The following DHX57 variants were observed in gnomAD, a reference collection of about 807,000 sequenced individuals.
The protein encoded by DHX57 is putative ATP-dependent RNA helicase DHX57.
Under a neutral mutation model 156.2 loss-of-function variants are expected in DHX57, and 105 were observed. The ratio of observed to expected loss-of-function variants is 0.67; its 90% CI spans 0.57 to 0.79. DHX57 has a LOEUF of 0.79. Ranked by LOEUF, DHX57 falls within the 30% of genes least tolerant of loss-of-function variation. The pLI is 0.00. For missense variants in DHX57, 1,847 were observed against 1,661.9 expected, an observed-to-expected ratio of 1.11 and a Z score of -1.94; for synonymous variants, 704 against 595.6, an observed-to-expected ratio of 1.18 and a Z score of -2.65.
In DHX57 at chr2:38,806,634, T is replaced by G. The variant is rs1669952675; in HGVS notation, c.3741A>C (p.Pro1247=). The G allele has an allele frequency of 6.2e-7, 1 of 1,614,198 alleles. No individual in the cohort carries two copies. The highest frequency in any genetic ancestry group is 8.5e-7 in the Non-Finnish European group (1 of 1,180,030). The change falls in exon 22 of 24, where the codon CCA becomes CCC. Residue 1247 remains proline (P), a synonymous_variant. Coordinates refer to ENST00000457308, the MANE Select transcript of DHX57 (RefSeq NM_198963.3). The part of the protein sequence containing the change: ...KTSTGAVRMQ[P]KSAELKFVTK... ...TGACAAACTTCAACTCAGCTGATTT[T>G]GGTTGCATTCTGACAGCTCCAGTAC...
chr2:38,863,690 A>C (rs548874346), intron 2 of DHX57, among the ~76,000 whole-genome samples, 171 bp from the exon 3 acceptor site: 1 of 152,186 alleles, frequency 6.6e-6, no homozygotes, highest in African/African-American at 2.4e-5. Context: ...ACCAGACTTC[A>C]TTATATCAGA....
At chr2:38,802,680 C>T in intron 23 of DHX57, 35 bp downstream of exon 23, 1 of 1,612,192 alleles carries the variant, frequency 6.2e-7, no homozygotes, top group Non-Finnish European at 8.5e-7. Context: ...CCCTCATGGC[C>T]TGAGCCTCAT....
chr2:38,855,104 T>C lies in DHX57; in HGVS notation c.1858A>G (p.Arg620Gly), dbSNP rs1325710661. ...TGGTATCCCACGGTCAGACCCACCCTCTCTGCTCTTTCTTTAGCAACGCGT... is the reference window on the plus strand; with the variant it reads ...TGGTATCCCACGGTCAGACCCACCCCCTCTGCTCTTTCTTTAGCAACGCGT... Reference protein sequence around the residue: ...AERVAKERAERVGLTVGYQIR... With the variant: ...AERVAKERAEGVGLTVGYQIR... Residue 620 changes from arginine to glycine, a missense_variant, in exon 8 of 24, where the codon AGG becomes GGG. By Grantham distance (125) the Arg-to-Gly change is moderately radical. Coordinates refer to ENST00000457308, the MANE Select transcript of DHX57 (RefSeq NM_198963.3). The C allele has an allele frequency of 1.9e-6, 3 of 1,614,066 alleles. No individual in the cohort carries two copies. Among genetic ancestry groups the C allele is most frequent in the East Asian group, 4.5e-5 (2 of 44,874 alleles).
intron 23 of DHX57, among the ~76,000 whole-genome samples, chr2:38,798,755 C>G (rs1209916776): frequency 4.0e-5 from 6 of 151,374 alleles, no homozygotes; most frequent in Non-Finnish European, 7.4e-5. Context: ...ACCAGGCTGG[C>G]CAACATGGTG....
At chr2:38,799,366 C>CA (rs1558346680) in intron 23 of DHX57, among the ~76,000 whole-genome samples, 1 of 79,942 alleles carries the variant, frequency 1.3e-5, no homozygotes, top group Non-Finnish European at 2.4e-5. Flanking sequence ...AACTCCGTTT[C>CA]AAAAAAAAGA....
At chr2:38,817,838 C>T (rs942844201) in intron 19 of DHX57, among the ~76,000 whole-genome samples, 2 of 152,202 alleles carry the variant, frequency 1.3e-5, no homozygotes, top group African/African-American at 4.8e-5. Context: ...GATGGGATTA[C>T]AGGCCCATGT....
chr2:38,856,271 G>C, intron 7 of DHX57, 69 bp downstream of exon 7: 8 of 1,548,646 alleles, frequency 5.2e-6, no homozygotes, highest in Non-Finnish European at 6.9e-6. Context: ...AAGTTCAACT[G>C]GTTATGGTAA....
At chr2:38,838,763 G>A (rs1020534195) in intron 12 of DHX57, 8 of 455,978 alleles carry the variant, frequency 1.8e-5, no homozygotes, top group Non-Finnish European at 3.5e-5. Flanking sequence ...ATGATAAGTG[G>A]TTGATCTTCC....
At chr2:38,821,013 G>C (rs151104757) in intron 17 of DHX57, among the ~76,000 whole-genome samples, 2 of 151,868 alleles carry the variant, frequency 1.3e-5, no homozygotes, top group East Asian at 3.9e-4. Flanking sequence ...AAAGAGGATT[G>C]AAATAATACA....
At position 38,813,907 on chromosome 2, in the gene DHX57, G is replaced by T. The variant is rs765474041; in HGVS notation, c.3607-12C>A. On this transcript the variant is annotated splice_polypyrimidine_tract_variant and intron_variant, in intron 20 of 23. Coordinates refer to ENST00000457308, the MANE Select transcript of DHX57 (RefSeq NM_198963.3). ...GCATTTGAGTTTGCCTATGAGAAAA[G>T]CACAGCATTAATTAACAAGTGATAT... is the stretch of plus-strand genomic sequence containing the variant. 3 of 1,611,964 alleles carry T rather than the reference G, an allele frequency of 1.9e-6. No individual in the cohort carries two copies.
intron 19 of DHX57, among the ~76,000 whole-genome samples, chr2:38,817,826 T>A (rs1334478376): frequency 2.0e-5 from 3 of 151,912 alleles, no homozygotes; most frequent in African/African-American, 7.3e-5. Context: ...GCCTCTGGAG[T>A]AGATGGGATT....
chr2:38,818,474 G>C (rs1164121760), intron 19 of DHX57, among the ~76,000 whole-genome samples: 1 of 152,148 alleles, frequency 6.6e-6, no homozygotes, highest in Non-Finnish European at 1.5e-5. Flanking sequence ...ATGCAAGTGA[G>C]CCGAGATCGC....
At chr2:38,875,217 T>G (rs1272041122) in intron 1 of DHX57, among the ~76,000 whole-genome samples, 1 of 152,216 alleles carries the variant, frequency 6.6e-6, no homozygotes, top group Non-Finnish European at 1.5e-5. Context: ...ATCTATTCCA[T>G]CTAGCCCGGG....
intron 21 of DHX57, among the ~76,000 whole-genome samples, 172 bp from the exon 22 acceptor site, chr2:38,806,865 CTTT>C (rs34006142): frequency 7.3e-5 from 10 of 137,144 alleles, no homozygotes; most frequent in East Asian, 2.1e-4. Context: ...CAAGCACATG[CTTT>C]TTTTTTTTTT....
At chr2:38,833,835 A>C (rs1671508192) in intron 13 of DHX57, among the ~76,000 whole-genome samples, 1 of 152,174 alleles carries the variant, frequency 6.6e-6, no homozygotes, top group African/African-American at 2.4e-5. Context: ...ATAGCCTAGA[A>C]ATATGAAAAA....
At position 38,860,917 on chromosome 2, in the gene DHX57, A is replaced by G. The variant is rs959047557; in HGVS notation, c.1411+82T>C. 2.3e-6 allele frequency: 3 copies of G among 1,300,188 alleles called. No individual in the cohort carries two copies. In the African/African-American group the frequency reaches 4.4e-5, roughly 19 times the overall value. 80.5% of individuals were successfully genotyped at this position (1,300,188 alleles called of 1,614,324 possible). A position where few individuals can be genotyped will look rare whatever the true frequency, so the allele number is the denominator to read the frequency against. ...TCAGCTTGTTCAAGATCACTAAGCC[A>G]TCCTAGACCAGCCTTAAAGGCTTTG... On this transcript the variant is annotated intron_variant, in intron 5 of 23. Coordinates refer to ENST00000457308, the MANE Select transcript of DHX57 (RefSeq NM_198963.3).
chr2:38,818,442 A>C (rs1228429271), intron 19 of DHX57, among the ~76,000 whole-genome samples: 1 of 152,124 alleles, frequency 6.6e-6, no homozygotes, highest in Non-Finnish European at 1.5e-5. Context: ...CAGGAGAATC[A>C]CTTGACCCTG....
At chr2:38,842,304 A>T (rs1672049827) in intron 12 of DHX57, among the ~76,000 whole-genome samples, 1 of 152,222 alleles carries the variant, frequency 6.6e-6, no homozygotes, top group Non-Finnish European at 1.5e-5. Context: ...ATCAAAGGAG[A>T]CTAAGAATAC....
At chr2:38,854,409 A>G in intron 8 of DHX57, 1 of 346,602 alleles carries the variant, frequency 2.9e-6, no homozygotes, top group Non-Finnish European at 5.3e-6. Flanking sequence ...AACAGTGAAT[A>G]ATGAAAACAG....
Sources: gnomAD v4.1 joint callset for allele counts (sites outside exome capture counted in the v4.1 genomes callset) on GRCh38, gnomAD v4.1.1 for gene constraint, MANE v1.5 for transcripts, NCBI Gene and HGNC (gene_info 2026-07-23, HGNC 2026-07-21) for gene names.